The following BOD1L1 variants were observed in gnomAD, a reference collection of about 807,000 sequenced individuals.
The protein encoded by BOD1L1 is biorientation of chromosomes in cell division protein 1-like 1.
Under a neutral mutation model 240.7 loss-of-function variants are expected in BOD1L1, and 86 were observed. The observed-to-expected ratio is 0.36, with a 90% CI of 0.30 to 0.43. The LOEUF (loss-of-function observed/expected upper bound fraction) is 0.43. BOD1L1 is among the 20% of genes least tolerant of loss of function. The pLI, the probability that BOD1L1 is intolerant of heterozygous loss-of-function variation, is 1.00. For synonymous variants in BOD1L1, 1,268 were observed against 1,272.3 expected, an observed-to-expected ratio of 1.00 and a Z score of 0.07; for missense variants, 3,554 against 3,643.5, an observed-to-expected ratio of 0.98 and a Z score of 0.63.
At position 13,579,932 on chromosome 4, in the gene BOD1L1, T is replaced by G. The variant is rs1343328033; in HGVS notation, c.8745A>C (p.Gln2915His). Residue 2915 changes from glutamine (Q) to histidine (H), a missense_variant, in exon 22 of 26, where the codon CAA (glutamine) becomes CAC (histidine). Physicochemically the swap from Gln to His is conservative, Grantham distance 24. Around this residue, in one of 2 missense-constraint regions of BOD1L1, gnomAD observed 3,393 missense variants for 3,427.1 expected, o/e 0.99. Coordinates refer to ENST00000040738, the MANE Select transcript of BOD1L1 (RefSeq NM_148894.3). The part of the protein sequence containing the change: ...SPSSSKLKVM[Q>H]TDESNKETAN... ...AGGAATGCGGTAGGTACATACCTGT[T>G]TGCATTACTTTCAGTTTGCTGCTAG... 2 of 1,561,678 alleles carry G rather than the reference T, an allele frequency of 1.3e-6. No homozygotes were observed. Among genetic ancestry groups the G allele is most frequent in the Admixed American group, 1.9e-5 (1 of 52,470 alleles).
chr4:13,615,154 G>A (rs17807793), intron 3 of BOD1L1, among the ~76,000 whole-genome samples, 158 bp downstream of exon 3: 17,247 of 152,118 alleles, frequency 0.11, 1,289 homozygotes, highest in Middle Eastern at 0.23. Flanking sequence ...TCTAGAAAAC[G>A]AAATGTTATG....
rs772853202 is a variant in BOD1L1, at chr4:13,599,499, G to C, written c.7401C>G (p.Asn2467Lys). The change falls in exon 10 of 26, where the codon AAC becomes AAG. Residue 2467 changes from asparagine (N) to lysine (K), a missense_variant. Physicochemically the swap from Asn to Lys is moderately conservative, Grantham distance 94 (BLOSUM62 0). Around this residue, in one of 2 missense-constraint regions of BOD1L1, gnomAD observed 3,393 missense variants for 3,427.1 expected, o/e 0.99. Coordinates refer to ENST00000040738, the MANE Select transcript of BOD1L1 (RefSeq NM_148894.3). ...INAEEKNVLLNSLQKEDKSPE... is the reference protein window; with the variant it reads ...INAEEKNVLLKSLQKEDKSPE... ...GGCTCTTATCTTCTTTCTGAAGGGAGTTCAACAATACATTCTTCTCTTCTG... is the reference window on the plus strand; with the variant it reads ...GGCTCTTATCTTCTTTCTGAAGGGACTTCAACAATACATTCTTCTCTTCTG... 3.2e-5 allele frequency: 51 copies of C among 1,613,896 alleles called. No individual in the cohort carries two copies. The highest frequency in any genetic ancestry group is 3.9e-5 in the Non-Finnish European group (46 of 1,179,896).
rs1446343674 is a variant in BOD1L1 at position 13,610,941 on chromosome 4, TGTC to T, written c.1481_1483del (p.Arg494del). On this transcript the variant is annotated inframe_deletion, in exon 6 of 26. Coordinates refer to ENST00000040738, the MANE Select transcript of BOD1L1 (RefSeq NM_148894.3). ...AGAACAAACTGGACTTACAATGGACTGTCGTCGTTGTTCTACAGTAAGCTCATC... is the reference window on the plus strand; with the variant it reads ...AGAACAAACTGGACTTACAATGGACTGTCGTTGTTCTACAGTAAGCTCATC... The T allele has an allele frequency of 6.3e-7, 1 of 1,599,548 alleles. No individual in the cohort carries two copies.
At chr4:13,592,223 A>C (rs577516796) in intron 12 of BOD1L1, 2 of 400,254 alleles carry the variant, frequency 5.0e-6, no homozygotes, top group African/African-American at 4.1e-5. Context: ...GGTATATTAC[A>C]TCACTATGGT....
In BOD1L1 at chr4:13,579,799, C is replaced by T; in HGVS notation, c.8749+129G>A. On this transcript the variant is annotated intron_variant, in intron 22 of 25. Transcript: ENST00000040738. ...ATACAGTCTCTCCCAGATACAAGGA[C>T]AATTATTTTTACCAAGGGGGCCACC... 6.0e-6 allele frequency: 4 copies of T among 665,178 alleles called. No homozygotes were observed. In the South Asian group the frequency reaches 8.2e-5, roughly 14 times the overall value. 41.2% of individuals were successfully genotyped at this position (665,178 alleles called of 1,614,324 possible).
rs1716383170 is a variant in BOD1L1, at chr4:13,614,089, A to G, written c.1174+107T>C. 15 of 1,067,600 alleles carry G rather than the reference A, an allele frequency of 1.4e-5. No homozygotes were observed. In the South Asian group the frequency reaches 2.4e-4, roughly 17 times the overall value. The allele number at this position is 1,067,600 out of a possible 1,614,324, so 66.1% of individuals were successfully genotyped here. On this transcript the variant is annotated intron_variant, in intron 4 of 25. Transcript: ENST00000040738. Reference sequence around the variant, plus strand: ...TAAGCAAAGGGGATATAAGTTTCCAAAAGTATTAAATAAACTTATTAAAAT... The same window carrying G: ...TAAGCAAAGGGGATATAAGTTTCCAGAAGTATTAAATAAACTTATTAAAAT...
chr4:13,621,334 A>G (rs968889177), intron 1 of BOD1L1, among the ~76,000 whole-genome samples: 5 of 152,188 alleles, frequency 3.3e-5, no homozygotes, highest in African/African-American at 1.2e-4. Flanking sequence ...ACCTTCTGCC[A>G]TTTGCCTCCT....
At chr4:13,594,478 C>T (rs1402238441) in intron 12 of BOD1L1, among the ~76,000 whole-genome samples, 1 of 152,170 alleles carries the variant, frequency 6.6e-6, no homozygotes, top group African/African-American at 2.4e-5. Context: ...TGAGGCTTTC[C>T]ATCAAGGAAT....
chr4:13,590,387 T>A lies in BOD1L1; in HGVS notation c.8208A>T (p.Gly2736=). ...TAACTATGAAATTCATTAACTTACC[T>A]CCTTTGTTATAAGATTCGCTATGAA... ...EEIHSESYNK[G]EISSGRKDNA... is the part of the protein sequence containing the mutation. Residue 2736 remains glycine (G), a splice_region_variant and synonymous_variant, in exon 14 of 26, where the codon GGA becomes GGT. Coordinates refer to ENST00000040738, the MANE Select transcript of BOD1L1 (RefSeq NM_148894.3). The A allele has an allele frequency of 6.7e-7, 1 of 1,482,916 alleles. No homozygotes were observed. The highest frequency in any genetic ancestry group is 9.2e-7 in the Non-Finnish European group (1 of 1,082,180). 91.9% of individuals were successfully genotyped at this position (1,482,916 alleles called of 1,614,324 possible).
chr4:13,588,350 TA>T (rs929552805), intron 15 of BOD1L1, among the ~76,000 whole-genome samples: 1 of 152,174 alleles, frequency 6.6e-6, no homozygotes, highest in Non-Finnish European at 1.5e-5. Flanking sequence ...AAAACGCATT[TA>T]AAAAAATTAT....
chr4:13,601,243 C>G lies in BOD1L1; in HGVS notation c.5657G>C (p.Cys1886Ser). 6.2e-7 allele frequency: 1 copy of G among 1,613,998 alleles called. No individual in the cohort carries two copies. The highest frequency in any genetic ancestry group is 8.5e-7 in the Non-Finnish European group (1 of 1,179,900). ...TTCACTTTCTTCTCCTAACCCTGTA[C>G]AAGTTGAAGCATGCCCAATTTCATT... ...RGNEIGHAST[C>S]TGLGEESEGV... The change falls in exon 10 of 26, where the codon TGT becomes TCT. Residue 1886 changes from cysteine to serine, a missense_variant. Physicochemically the swap from Cys to Ser is moderately radical, Grantham distance 112 (BLOSUM62 -1). Coordinates refer to ENST00000040738, the MANE Select transcript of BOD1L1 (RefSeq NM_148894.3).
rs887713392 is a variant in BOD1L1, at chr4:13,576,739, T to C, written c.9038+99A>G. The C allele has an allele frequency of 7.8e-6, 11 of 1,407,020 alleles. No homozygotes were observed. In the African/African-American group the frequency reaches 8.8e-5, roughly 11 times the overall value. 87.2% of individuals were successfully genotyped at this position (1,407,020 alleles called of 1,614,324 possible). A position where few individuals can be genotyped will look rare whatever the true frequency, so the allele number is the denominator to read the frequency against. ...AAAGGGAAGAACTTCCACTGCAGCA[T>C]GAATGATTCAGTTCAAAGAGAATCC... On this transcript the variant is annotated intron_variant, in intron 25 of 25. Coordinates refer to ENST00000040738, the MANE Select transcript of BOD1L1 (RefSeq NM_148894.3).
chr4:13,607,462 C>A (rs780209389), intron 8 of BOD1L1, among the ~76,000 whole-genome samples: 1 of 152,120 alleles, frequency 6.6e-6, no homozygotes, highest in Non-Finnish European at 1.5e-5. Flanking sequence ...CAATGCCTGG[C>A]TAATTTTGTA....
In BOD1L1 at chr4:13,597,265, T is replaced by C. The variant is rs202189681; in HGVS notation, c.7955-97A>G. The C allele has an allele frequency of 7.1e-6, 6 of 843,798 alleles. No homozygotes were observed. The East Asian group carries it at 1.3e-4, about 19-fold the overall frequency. 52.3% of individuals were successfully genotyped at this position (843,798 alleles called of 1,614,324 possible). ...TGGAATGTGGTTATCTGACATGCTG[T>C]TGCACCTTCCTTTTCTGGTTTATTT... On this transcript the variant is annotated intron_variant, in intron 10 of 25. Coordinates refer to ENST00000040738, the MANE Select transcript of BOD1L1 (RefSeq NM_148894.3).
intron 2 of BOD1L1, among the ~76,000 whole-genome samples, chr4:13,618,796 C>G (rs554466136): frequency 6.6e-6 from 1 of 151,452 alleles, no homozygotes; most frequent in East Asian, 2.0e-4. Context: ...ACTAGATAGG[C>G]TTTCGAGAGG....
chr4:13,627,290 C>A, intron 1 of BOD1L1, 55 bp downstream of exon 1: 1 of 1,055,440 alleles, frequency 9.5e-7, no homozygotes, highest in Non-Finnish European at 1.2e-6. Flanking sequence ...AAAAGAAGCG[C>A]GCCCTTGGGT....
chr4:13,601,183 C>T lies in BOD1L1; in HGVS notation c.5717G>A (p.Ser1906Asn). 1 of 1,614,050 alleles carries T rather than the reference C, an allele frequency of 6.2e-7. No individual in the cohort carries two copies. The highest frequency in any genetic ancestry group is 1.7e-5 in the Admixed American group (1 of 60,034). ...VLICESAEGD[S>N]QIGTVVEHVE... is the part of the protein sequence containing the mutation. Reference sequence around the variant, plus strand: ...ATGCTCTACCACAGTACCAATCTGACTGTCCCCTTCTGCACTTTCACAAAT... The same window carrying T: ...ATGCTCTACCACAGTACCAATCTGATTGTCCCCTTCTGCACTTTCACAAAT... Residue 1906 changes from serine (S) to asparagine (N), a missense_variant, in exon 10 of 26, where the codon AGT becomes AAT. By Grantham distance (46) the Ser-to-Asn change is conservative. Around this residue, in one of 2 missense-constraint regions of BOD1L1, gnomAD observed 3,393 missense variants for 3,427.1 expected, o/e 0.99. Transcript: ENST00000040738.
At chr4:13,619,468 GC>G (rs1225333280) in intron 2 of BOD1L1, among the ~76,000 whole-genome samples, 1 of 152,034 alleles carries the variant, frequency 6.6e-6, no homozygotes, top group Non-Finnish European at 1.5e-5. Flanking sequence ...TTCATAAACA[GC>G]AGTTAAAAGT....
rs1714569065 is a variant in BOD1L1, at chr4:13,595,778, T to C, written c.8104+82A>G. 6.7e-6 allele frequency: 7 copies of C among 1,042,386 alleles called. 1 individual carries two copies. Among genetic ancestry groups the C allele is most frequent in the Admixed American group, 3.9e-5 (2 of 51,006 alleles). 64.6% of individuals were successfully genotyped at this position (1,042,386 alleles called of 1,614,324 possible). A position where few individuals can be genotyped will look rare whatever the true frequency, so the allele number is the denominator to read the frequency against. On this transcript the variant is annotated intron_variant, in intron 12 of 25. Coordinates refer to ENST00000040738, the MANE Select transcript of BOD1L1 (RefSeq NM_148894.3). ...AATAGAGCCTGTATGTTACTATGCATCAGCTATTGATTTTTAGAAAGGTAA... is the reference window on the plus strand; with the variant it reads ...AATAGAGCCTGTATGTTACTATGCACCAGCTATTGATTTTTAGAAAGGTAA...
Sources: allele counts gnomAD v4.1 joint callset (sites outside exome capture counted in the v4.1 genomes callset), GRCh38; gene constraint gnomAD v4.1.1; regional missense constraint gnomAD v4.1.1; transcripts MANE v1.5; gene names NCBI Gene and HGNC (gene_info 2026-07-23, HGNC 2026-07-21).